CDH13: variants seen among roughly 807,000 people sequenced by gnomAD.
CDH13 encodes cadherin 13.
A neutral mutation model predicts 63.8 loss-of-function variants in CDH13; 24 were observed. The observed-to-expected ratio is 0.38, with a 90% CI of 0.27 to 0.53. CDH13 has a LOEUF of 0.53. Ranked by LOEUF, CDH13 falls within the 20% of genes least tolerant of loss-of-function variation. The pLI, the probability that CDH13 is intolerant of heterozygous loss-of-function variation, is 0.85. For missense variants in CDH13, 1,049 were observed against 903.1 expected (o/e 1.16, Z -2.07); for synonymous variants, 503 against 355.3 (o/e 1.42, Z -4.67).
At chr16:83,266,074 T>C (rs1350491001) in intron 5 of CDH13, among the ~76,000 whole-genome samples, 1 of 152,076 alleles carries the variant, frequency 6.6e-6, no homozygotes, top group African/African-American at 2.4e-5. Flanking sequence ...GTACCTGAGA[T>C]TACAGGCGCC....
intron 9 of CDH13, among the ~76,000 whole-genome samples, chr16:83,672,763 A>G (rs1914624287): frequency 6.6e-6 from 1 of 152,170 alleles, no homozygotes; most frequent in Admixed American, 6.5e-5. Context: ...CTTGAGCTGT[A>G]GCAAACACAT....
chr16:83,127,010 G>T (rs1338778739), intron 4 of CDH13, among the ~76,000 whole-genome samples: 1 of 152,178 alleles, frequency 6.6e-6, no homozygotes, highest in Non-Finnish European at 1.5e-5. Flanking sequence ...TGTGATGGCT[G>T]GTTGGAGGTA....
rs761396179 is a variant in CDH13, at chr16:82,851,232, G to A, written c.46-7130G>A. Among the ~76,000 whole-genome samples the A allele has an allele frequency of 1.3e-3, 192 of 152,092 alleles. 1 individual carries two copies. The highest frequency in any genetic ancestry group is 1.4e-3 in the Non-Finnish European group (98 of 67,998). ...GGGCGAATCGCAAGGTCAGGAGTTC[G>A]AGACCAGCCTGGCCAACATGGTGAA... On this transcript the variant is annotated intron_variant, in intron 1 of 13. Transcript: ENST00000567109.
chr16:82,894,439 C>T (rs2041181582), intron 2 of CDH13, among the ~76,000 whole-genome samples: 1 of 152,048 alleles, frequency 6.6e-6, no homozygotes, highest in Non-Finnish European at 1.5e-5. Flanking sequence ...GTCAAGAGTT[C>T]GAGACCAGCC....
chr16:83,664,613 A>G (rs1913762333), intron 8 of CDH13, among the ~76,000 whole-genome samples: 1 of 151,832 alleles, frequency 6.6e-6, no homozygotes, highest in South Asian at 2.1e-4. Context: ...AAATGTTCTC[A>G]TACGTTTTCT....
Position 83,742,452 on chromosome 16 carries a change from A to G in CDH13, c.1539-5656A>G, listed in dbSNP as rs192842719. 2.2e-4 allele frequency among the ~76,000 whole-genome samples: 34 copies of G among 152,286 alleles called. No homozygotes were observed. The East Asian group carries it at 6.0e-3, about 27-fold the overall frequency. On this transcript the variant is annotated intron_variant, in intron 10 of 13. Transcript: ENST00000567109. ...GATTTTTTTTTTCCTGTAACAAGCA[A>G]AGTTCACATTACAGATAAATTGCCC...
chr16:82,870,205 A>T (rs1489431807), intron 2 of CDH13, among the ~76,000 whole-genome samples: 2 of 152,198 alleles, frequency 1.3e-5, no homozygotes, highest in African/African-American at 4.8e-5. Flanking sequence ...TAACAGGTAT[A>T]TGAAAAAATG....
chr16:82,908,195 C>G (rs1409533221), intron 2 of CDH13, among the ~76,000 whole-genome samples: 1 of 152,114 alleles, frequency 6.6e-6, no homozygotes, highest in East Asian at 1.9e-4. Flanking sequence ...CGTCTGGAAC[C>G]TTGACATTCC....
At chr16:83,194,952 T>A (rs529824540) in intron 4 of CDH13, among the ~76,000 whole-genome samples, 2 of 152,332 alleles carry the variant, frequency 1.3e-5, no homozygotes, top group Non-Finnish European at 2.9e-5. Flanking sequence ...CATGAAATTT[T>A]AAAGCGAATG....
chr16:83,180,130 A>G (rs2038288748), intron 4 of CDH13, among the ~76,000 whole-genome samples: 1 of 150,024 alleles, frequency 6.7e-6, no homozygotes, highest in African/African-American at 2.5e-5. Flanking sequence ...ATTGTCGTTT[A>G]AAAGTAAGGT....
Position 83,318,330 on chromosome 16 carries a change from CT to C in CDH13, c.637-26527del, listed in dbSNP as rs1365479223. On this transcript the variant is annotated intron_variant, in intron 5 of 13. Transcript: ENST00000567109. ...ATCTAATCACTCCATTTTCTTGTGT[CT>C]TTTTGGTGAACTCTAGTATTTGGAG... is the stretch of plus-strand genomic sequence containing the variant. 1.1e-4 allele frequency among the ~76,000 whole-genome samples: 16 copies of C among 152,202 alleles called. No individual in the cohort carries two copies. In the South Asian group the frequency reaches 3.1e-3, roughly 30 times the overall value.
chr16:82,643,135 G>A (rs565106662), intron 1 of CDH13, among the ~76,000 whole-genome samples: 1 of 152,320 alleles, frequency 6.6e-6, no homozygotes, highest in East Asian at 1.9e-4. Context: ...TAGTGGTGGT[G>A]ATTACATTAG....
chr16:82,947,403 G>C (rs1904850602), intron 2 of CDH13, among the ~76,000 whole-genome samples: 1 of 152,010 alleles, frequency 6.6e-6, no homozygotes, highest in Non-Finnish European at 1.5e-5. Flanking sequence ...TGGATATTTT[G>C]GATAATACTG....
At chr16:83,028,652 C>G (rs148331385) in intron 2 of CDH13, among the ~76,000 whole-genome samples, 358 of 152,270 alleles carry the variant, frequency 2.4e-3, no homozygotes, top group African/African-American at 8.3e-3. Flanking sequence ...GTTTAATTTA[C>G]AAATTGGGCA....
At chr16:83,071,313 G>A (rs112278136) in intron 3 of CDH13, among the ~76,000 whole-genome samples, 16 of 152,102 alleles carry the variant, frequency 1.1e-4, no homozygotes, top group African/African-American at 3.9e-4. Context: ...GCAAGGTGTG[G>A]GCTTTCATGA....
At chr16:83,290,399 A>G (rs1292278092) in intron 5 of CDH13, among the ~76,000 whole-genome samples, 2 of 152,000 alleles carry the variant, frequency 1.3e-5, no homozygotes. Context: ...GGTTTTTCCC[A>G]TGCTGTTCTC....
chr16:83,432,276 G>C (rs930562069), intron 6 of CDH13, among the ~76,000 whole-genome samples: 1 of 152,172 alleles, frequency 6.6e-6, no homozygotes, highest in Non-Finnish European at 1.5e-5. Flanking sequence ...GGATCCGTTC[G>C]AGGAGTATCA....
chr16:83,033,451 A>G (rs1916563027), intron 3 of CDH13, among the ~76,000 whole-genome samples: 1 of 152,126 alleles, frequency 6.6e-6, no homozygotes, highest in Non-Finnish European at 1.5e-5. Flanking sequence ...ACTTCAGTAT[A>G]TATATGTGTG....
chr16:83,059,800 T>G (rs369784437), intron 3 of CDH13, among the ~76,000 whole-genome samples: 7,783 of 146,478 alleles, frequency 0.053, 257 homozygotes, highest in Middle Eastern at 0.083. Context: ...TTTGTTTTTT[T>G]TTTTTTTTTT....
Sources: gnomAD v4.1 joint callset for allele counts (sites outside exome capture counted in the v4.1 genomes callset) on GRCh38, gnomAD v4.1.1 for gene constraint, MANE v1.5 for transcripts, NCBI Gene and HGNC (gene_info 2026-07-23, HGNC 2026-07-21) for gene names.